Variants in FAM133A observed in about 807,000 individuals in gnomAD.
FAM133A encodes family with sequence similarity 133 member A.
For synonymous variants in FAM133A, 65 were observed against 58.6 expected (o/e 1.11, Z -0.50); for missense variants, 159 against 164.4 (o/e 0.97, Z 0.18).
intron 2 of FAM133A, among the ~76,000 whole-genome samples, chrX:93,686,385 A>G (rs756916593): frequency 3.6e-5 from 4 of 112,099 alleles, no homozygotes; most frequent in Admixed American, 9.5e-5. Flanking sequence ...TTTCACAAAT[A>G]CAAAGTCTTC....
In FAM133A at chrX:93,711,887, G is replaced by C. The variant is rs971774777; in HGVS notation, c.*1721G>C. The C allele has an allele frequency of 8.1e-6, 1 of 122,947 alleles. No individual in the cohort carries two copies. Among genetic ancestry groups the C allele is most frequent in the Non-Finnish European group, 1.9e-5 (1 of 53,153 alleles). The allele number at this position is 122,947 out of a possible 1,213,427, so 10.1% of individuals were successfully genotyped here. A position where few individuals can be genotyped will look rare whatever the true frequency, so the allele number is the denominator to read the frequency against. ...TATCCATATAGAGTTTTTCAGAATT[G>C]TTCATTAAAATGCTTTTTATAAGCT... On this transcript the variant is annotated 3_prime_UTR_variant, in exon 4 of 4. Transcript: ENST00000683942.
Position 93,712,195 on chromosome X carries a change from G to A in FAM133A, c.*2029G>A, listed in dbSNP as rs184365776. 153 of 123,230 alleles carry A rather than the reference G, an allele frequency of 1.2e-3. 1 individual carries two copies. The highest frequency in any genetic ancestry group is 4.7e-3 in the African/African-American group (146 of 30,808). The allele number at this position is 123,230 out of a possible 1,213,427, so 10.2% of individuals were successfully genotyped here. A position where few individuals can be genotyped will look rare whatever the true frequency, so the allele number is the denominator to read the frequency against. On this transcript the variant is annotated 3_prime_UTR_variant, in exon 4 of 4. Transcript: ENST00000683942. The stretch of plus-strand genomic sequence containing the variant: ...GGTCCTTAGGTCGCTGTTTAGAAGG[G>A]ACCTGACTGGAGTGCTGATGGACTT...
At chrX:93,692,878 A>T (rs1353155894) in intron 2 of FAM133A, among the ~76,000 whole-genome samples, 1 of 111,699 alleles carries the variant, frequency 9.0e-6, no homozygotes, top group African/African-American at 3.2e-5. Flanking sequence ...ATATTGTTTG[A>T]ATGAATGAGT....
At chrX:93,695,632 T>G (rs1926186958) in intron 2 of FAM133A, among the ~76,000 whole-genome samples, 1 of 86,783 alleles carries the variant, frequency 1.2e-5, no homozygotes, top group Non-Finnish European at 2.3e-5. Flanking sequence ...CACAGGAATC[T>G]GCTTTTTTTT....
intron 3 of FAM133A, among the ~76,000 whole-genome samples, chrX:93,701,603 C>G (rs1205539610): frequency 3.6e-5 from 4 of 111,775 alleles, no homozygotes; most frequent in Non-Finnish European, 7.5e-5. Flanking sequence ...CCCACTACAT[C>G]TGAACATAGG....
intron 3 of FAM133A, among the ~76,000 whole-genome samples, chrX:93,703,157 C>T (rs889622384): frequency 5.4e-5 from 6 of 111,344 alleles, no homozygotes; most frequent in Non-Finnish European, 9.4e-5. Flanking sequence ...CCACTGCACT[C>T]CAGCCTGGGC....
chrX:93,690,810 A>G (rs964207723), intron 2 of FAM133A, among the ~76,000 whole-genome samples: 23 of 111,832 alleles, frequency 2.1e-4, no homozygotes, highest in African/African-American at 5.8e-4. Flanking sequence ...ATATTTTCCA[A>G]TGTGGCTGTA....
At chrX:93,677,910 T>C (rs963743352) in intron 2 of FAM133A, among the ~76,000 whole-genome samples, 3 of 111,947 alleles carry the variant, frequency 2.7e-5, no homozygotes, top group African/African-American at 9.7e-5. Flanking sequence ...TTTTAATTTC[T>C]TTTAGAAAAA....
chrX:93,681,912 G>C (rs769752372), intron 2 of FAM133A, among the ~76,000 whole-genome samples: 43 of 111,867 alleles, frequency 3.8e-4, no homozygotes, highest in Non-Finnish European at 6.6e-4. Context: ...GATTAAATAT[G>C]ACATGACAAG....
At chrX:93,688,254 A>G (rs1037772633) in intron 2 of FAM133A, among the ~76,000 whole-genome samples, 2 of 110,182 alleles carry the variant, frequency 1.8e-5, no homozygotes, top group Non-Finnish European at 3.8e-5. Flanking sequence ...GTTTTTTCAA[A>G]ATGACTATAC....
At chrX:93,696,577 GGATTC>G (rs1330278384) in intron 2 of FAM133A, among the ~76,000 whole-genome samples, 1 of 111,481 alleles carries the variant, frequency 9.0e-6, no homozygotes. Context: ...AGTTAGAATA[GGATTC>G]GGGACATAGG....
chrX:93,700,288 G>A (rs1385174670), intron 3 of FAM133A, among the ~76,000 whole-genome samples: 1 of 110,291 alleles, frequency 9.1e-6, no homozygotes, highest in Non-Finnish European at 1.9e-5. Context: ...TGATATATTT[G>A]GAATAAAAAC....
At chrX:93,679,436 T>C (rs1482446878) in intron 2 of FAM133A, among the ~76,000 whole-genome samples, 1 of 111,222 alleles carries the variant, frequency 9.0e-6, no homozygotes, top group African/African-American at 3.3e-5. Flanking sequence ...AAGGAAACAT[T>C]TCTGAATTGC....
intron 2 of FAM133A, among the ~76,000 whole-genome samples, chrX:93,681,108 A>G (rs1488635517): frequency 1.2e-4 from 13 of 111,346 alleles, no homozygotes; most frequent in Admixed American, 6.7e-4. Flanking sequence ...CCATCCTACA[A>G]TTCAAATAAA....
At chrX:93,675,773 T>G (rs1335593340) in intron 2 of FAM133A, among the ~76,000 whole-genome samples, 2 of 111,434 alleles carry the variant, frequency 1.8e-5, no homozygotes, top group Non-Finnish European at 3.8e-5. Context: ...GCCGGGCAAA[T>G]GTGGTAGAGG....
Position 93,709,949 on chromosome X carries a change from G to A in FAM133A, c.530G>A (p.Ser177Asn). 1 of 1,186,971 alleles carries A rather than the reference G, an allele frequency of 8.4e-7. No homozygotes were observed. The highest frequency in any genetic ancestry group is 1.1e-6 in the Non-Finnish European group (1 of 887,327). Residue 177 changes from serine to asparagine, a missense_variant, in exon 4 of 4, where the codon AGC (serine) becomes AAC (asparagine). Transcript: ENST00000683942. ...AAAGAAAAGGATGTAAGAAGCCTCA[G>A]CAAAAAAAGAAAGAAAAGTTACCCT... is the stretch of plus-strand genomic sequence containing the variant. ...TEKEKDVRSL[S>N]KKRKKSYPDD...
chrX:93,707,343 G>A (rs1183452354), intron 3 of FAM133A, among the ~76,000 whole-genome samples: 1 of 111,356 alleles, frequency 9.0e-6, no homozygotes, highest in Non-Finnish European at 1.9e-5. Flanking sequence ...CTATCACCAA[G>A]AGTCACTGAA....
intron 2 of FAM133A, among the ~76,000 whole-genome samples, chrX:93,690,674 T>C (rs1312735654): frequency 8.9e-6 from 1 of 112,392 alleles, no homozygotes; most frequent in East Asian, 2.8e-4. Flanking sequence ...TGTAATGCTA[T>C]TATACATGTT....
chrX:93,676,140 C>T (rs768667794), intron 2 of FAM133A, among the ~76,000 whole-genome samples: 32 of 111,016 alleles, frequency 2.9e-4, no homozygotes, highest in Admixed American at 2.9e-3. Context: ...AAATAAATTG[C>T]TTGGGTCTGT....
Sources: gnomAD v4.1 joint callset for allele counts (sites outside exome capture counted in the v4.1 genomes callset) on GRCh38, gnomAD v4.1.1 for gene constraint, MANE v1.5 for transcripts, NCBI Gene and HGNC (gene_info 2026-07-23, HGNC 2026-07-21) for gene names.